The following CDH13 variants were observed in gnomAD, a reference collection of about 807,000 sequenced individuals.
The protein encoded by CDH13 is cadherin-13.
A neutral mutation model predicts 63.8 loss-of-function variants in CDH13; 24 were observed. The ratio of observed to expected loss-of-function variants is 0.38; its 90% CI spans 0.27 to 0.53. CDH13 has a LOEUF of 0.53. CDH13 is among the 20% of genes least tolerant of loss of function. The pLI is 0.85. For synonymous variants in CDH13, 503 were observed against 355.3 expected (o/e 1.42, Z -4.67); for missense variants, 1,049 against 903.1 (o/e 1.16, Z -2.07).
intron 1 of CDH13, among the ~76,000 whole-genome samples, chr16:82,781,489 C>G (rs140755253): frequency 1.2e-3 from 183 of 152,212 alleles, no homozygotes; most frequent in African/African-American, 4.4e-3. Flanking sequence ...ACCTATACAT[C>G]CATCTACCCA....
At chr16:83,246,970 G>GGGATGACTTCAGCATCCGGGGT (rs1905054529) in intron 5 of CDH13, among the ~76,000 whole-genome samples, 2 of 152,172 alleles carry the variant, frequency 1.3e-5, no homozygotes, top group Non-Finnish European at 2.9e-5. Context: ...CTGAGGAACT[G>GGGATGACTTCAGCATCCGGGGT]GGATGACTTC....
intron 10 of CDH13, among the ~76,000 whole-genome samples, chr16:83,679,858 A>G (rs556962547): frequency 7.8e-4 from 118 of 152,224 alleles, no homozygotes; most frequent in African/African-American, 2.8e-3. Context: ...GATGTTTTGG[A>G]CCCTGTGTCT....
chr16:83,279,954 T>C (rs2089113627), intron 5 of CDH13, among the ~76,000 whole-genome samples: 1 of 152,126 alleles, frequency 6.6e-6, no homozygotes, highest in Non-Finnish European at 1.5e-5. Flanking sequence ...TAATTAAAAA[T>C]ACGTTATAAC....
chr16:83,365,349 C>T (rs1451542154), intron 6 of CDH13, among the ~76,000 whole-genome samples: 1 of 152,176 alleles, frequency 6.6e-6, no homozygotes, highest in African/African-American at 2.4e-5. Context: ...GTAGATGAGG[C>T]CCACCACATT....
intron 5 of CDH13, among the ~76,000 whole-genome samples, chr16:83,325,305 G>A (rs1293967765): frequency 2.0e-5 from 3 of 152,164 alleles, no homozygotes; most frequent in Non-Finnish European, 4.4e-5. Flanking sequence ...TGAGAGAGGG[G>A]GAGGGAGGAA....
At chr16:82,751,829 A>G (rs564953679) in intron 1 of CDH13, among the ~76,000 whole-genome samples, 2 of 152,106 alleles carry the variant, frequency 1.3e-5, no homozygotes, top group African/African-American at 4.8e-5. Context: ...ATCAGCACAC[A>G]GTGTTGGTGA....
At chr16:82,668,728 T>A (rs1912901524) in intron 1 of CDH13, among the ~76,000 whole-genome samples, 1 of 152,034 alleles carries the variant, frequency 6.6e-6, no homozygotes, top group Non-Finnish European at 1.5e-5. Flanking sequence ...GTCGTAGGAG[T>A]GTTCAGTAAC....
chr16:83,747,679 A>G (rs1008403834), intron 10 of CDH13, among the ~76,000 whole-genome samples: 1 of 150,570 alleles, frequency 6.6e-6, no homozygotes, highest in Non-Finnish European at 1.5e-5. Context: ...GCCCTGGATC[A>G]GAGGTAGTGA....
intron 13 of CDH13, among the ~76,000 whole-genome samples, chr16:83,787,019 G>C (rs908291733): frequency 2.0e-5 from 3 of 152,164 alleles, no homozygotes; most frequent in Non-Finnish European, 2.9e-5. Flanking sequence ...CTATTCATGT[G>C]TGTGTCCAGA....
intron 6 of CDH13, among the ~76,000 whole-genome samples, chr16:83,407,030 C>T (rs111492003): frequency 0.023 from 3,556 of 152,310 alleles, 68 homozygotes; most frequent in Middle Eastern, 0.058. Flanking sequence ...GCTGAATTTT[C>T]TAAAATTGGT....
At chr16:82,832,229 C>G (rs946911141) in intron 1 of CDH13, among the ~76,000 whole-genome samples, 6 of 106,622 alleles carry the variant, frequency 5.6e-5, no homozygotes, top group Non-Finnish European at 9.7e-5. Context: ...CTAGTGAAAT[C>G]TCATTAAACC....
chr16:83,268,471 T>G (rs1205393733), intron 5 of CDH13, among the ~76,000 whole-genome samples: 3 of 152,188 alleles, frequency 2.0e-5, no homozygotes, highest in African/African-American at 7.2e-5. Context: ...GCATACACAA[T>G]TGGATAGGTA....
intron 2 of CDH13, among the ~76,000 whole-genome samples, chr16:82,982,157 G>A (rs1297081170): frequency 6.6e-6 from 1 of 152,068 alleles, no homozygotes; most frequent in Non-Finnish European, 1.5e-5. Context: ...ATAAAATGGA[G>A]ATAATAATGC....
chr16:82,655,588 G>A (rs1448868759), intron 1 of CDH13, among the ~76,000 whole-genome samples: 2 of 152,114 alleles, frequency 1.3e-5, no homozygotes, highest in East Asian at 1.9e-4. Flanking sequence ...GAAACCACTG[G>A]TGGGGTTGGG....
rs4077621 is a variant in CDH13, at chr16:83,217,219, C to A, written c.484-126C>A. ...TCTGGTGCTGTTACTTTAGTCAAAT[C>A]TGTGTTCACCAGGTACCCATGTGCT... On this transcript the variant is annotated intron_variant, in intron 4 of 13. Coordinates refer to ENST00000567109, the MANE Select transcript of CDH13 (RefSeq NM_001257.5). The A allele has an allele frequency of 0.13, 105,176 of 830,038 alleles. 8,493 individuals carry two copies. Among genetic ancestry groups the A allele is most frequent in the African/African-American group, 0.31 (18,720 of 59,448 alleles). 51.4% of individuals were successfully genotyped at this position (830,038 alleles called of 1,614,324 possible).
At chr16:83,543,139 T>G (rs2075324335) in intron 7 of CDH13, among the ~76,000 whole-genome samples, 1 of 152,216 alleles carries the variant, frequency 6.6e-6, no homozygotes, top group Non-Finnish European at 1.5e-5. Context: ...TAACTATAGG[T>G]TGAATTAATT....
chr16:83,140,917 A>T (rs545360877), intron 4 of CDH13, among the ~76,000 whole-genome samples: 12 of 152,324 alleles, frequency 7.9e-5, no homozygotes, highest in African/African-American at 2.6e-4. Flanking sequence ...ATAAAGGAAG[A>T]TCTGCCACAT....
chr16:83,409,163 G>A (rs2092090387), intron 6 of CDH13, among the ~76,000 whole-genome samples: 1 of 152,184 alleles, frequency 6.6e-6, no homozygotes, highest in South Asian at 2.1e-4. Context: ...CCAGCCAGCT[G>A]CTTTCATGAG....
rs200677349 is a variant in CDH13, at chr16:82,755,052, G to A, written c.46-103310G>A. 1.4e-4 allele frequency among the ~76,000 whole-genome samples: 22 copies of A among 152,244 alleles called. 1 individual carries two copies. In the East Asian group the frequency reaches 1.7e-3, roughly 12 times the overall value. ...GTGTGCAGATGTGTTTTATGTGTGC[G>A]TACACACATACATCCCTATGCATAC... On this transcript the variant is annotated intron_variant, in intron 1 of 13. Coordinates refer to ENST00000567109, the MANE Select transcript of CDH13 (RefSeq NM_001257.5).
Sources: allele counts gnomAD v4.1 joint callset (sites outside exome capture counted in the v4.1 genomes callset), GRCh38; gene constraint gnomAD v4.1.1; transcripts MANE v1.5; gene names NCBI Gene and HGNC (gene_info 2026-07-23, HGNC 2026-07-21).